Variants in SNX29 observed in about 807,000 individuals in gnomAD.
SNX29 encodes sorting nexin-29.
A neutral mutation model predicts 102.1 loss-of-function variants in SNX29; 78 were observed. The ratio of observed to expected loss-of-function variants is 0.76; its 90% confidence interval spans 0.64 to 0.92. The LOEUF (loss-of-function observed/expected upper bound fraction) is 0.92, where lower values mean the gene tolerates loss of function less well. Ranked by LOEUF, SNX29 falls within the 40% of genes least tolerant of loss-of-function variation. The probability of loss-of-function intolerance (pLI) is 0.00; values close to 1 mark genes in which losing one functional copy is unlikely to be tolerated. For missense variants in SNX29, 1,280 were observed against 1,061.7 expected, an observed-to-expected ratio of 1.21 and a Z score of -2.86; for synonymous variants, 580 against 414.5, an observed-to-expected ratio of 1.40 and a Z score of -4.85.
intron 9 of SNX29, among the ~76,000 whole-genome samples, chr16:12,066,385 G>A (rs974222555): frequency 6.6e-6 from 1 of 152,308 alleles, no homozygotes; most frequent in Non-Finnish European, 1.5e-5. Flanking sequence ...GGGATGGAGG[G>A]TGGGTGCCGT....
In SNX29 at chr16:12,563,981, C is replaced by T. The variant is rs973783258; in HGVS notation, c.2319-4525C>T. On this transcript the variant is annotated intron_variant, in intron 20 of 20. Coordinates refer to ENST00000566228, the MANE Select transcript of SNX29 (RefSeq NM_032167.5). ...GAGGAAGGGCTTTTCAGATAAGGTT[C>T]CCTCTGCCCCTGCAGCACCCTCTTC... 7.8e-5 allele frequency among the ~76,000 whole-genome samples: 11 copies of T among 141,326 alleles called. No homozygotes were observed. The South Asian group carries it at 2.4e-3, about 31-fold the overall frequency. The allele number at this position is 141,326 out of a possible 152,430, so 92.7% of individuals were successfully genotyped here. A position where few individuals can be genotyped will look rare whatever the true frequency, so the allele number is the denominator to read the frequency against.
chr16:12,015,621 C>T (rs1416001565), intron 3 of SNX29, among the ~76,000 whole-genome samples: 16 of 151,518 alleles, frequency 1.1e-4, no homozygotes, highest in East Asian at 9.7e-4. Flanking sequence ...GTGCAAGCTC[C>T]GCCTCCCGGG....
chr16:12,115,485 TTGTGTGTGTGTGTGTG>T lies in SNX29; in HGVS notation c.1403-11125_1403-11110del, dbSNP rs3222983. The stretch of plus-strand genomic sequence containing the variant: ...TGCCCCTGGGTTGCTCCACCTTGAT[TTGTGTGTGTGTGTGTG>T]TGTGTGTGTGTGTGTGTGTGTGGTG... On this transcript the variant is annotated intron_variant, in intron 11 of 20. Transcript: ENST00000566228. 2.9e-4 allele frequency among the ~76,000 whole-genome samples: 41 copies of T among 141,966 alleles called. 1 individual carries two copies. In the South Asian group the frequency reaches 6.8e-3, roughly 24 times the overall value. 93.1% of individuals were successfully genotyped at this position (141,966 alleles called of 152,430 possible). A position where few individuals can be genotyped will look rare whatever the true frequency, so the allele number is the denominator to read the frequency against.
intron 4 of SNX29, among the ~76,000 whole-genome samples, chr16:12,041,891 T>G (rs1256498683): frequency 6.6e-6 from 1 of 152,208 alleles, no homozygotes; most frequent in African/African-American, 2.4e-5. Context: ...CAGCAAATGT[T>G]GATTTTTTTA....
intron 18 of SNX29, among the ~76,000 whole-genome samples, chr16:12,417,472 G>A (rs1166183422): frequency 6.6e-6 from 1 of 152,162 alleles, no homozygotes; most frequent in Non-Finnish European, 1.5e-5. Context: ...GGGTCAGAGG[G>A]GGTGGGTGGT....
intron 20 of SNX29, among the ~76,000 whole-genome samples, chr16:12,548,023 G>GCT (rs2077718555): frequency 6.6e-6 from 1 of 152,118 alleles, no homozygotes; most frequent in South Asian, 2.1e-4. Context: ...CTTTTGCACT[G>GCT]CTCATATTGG....
intron 18 of SNX29, among the ~76,000 whole-genome samples, chr16:12,447,707 T>C (rs1319325738): frequency 6.6e-6 from 1 of 152,208 alleles, no homozygotes; most frequent in African/African-American, 2.4e-5. Context: ...GGTTAACAGA[T>C]AAGATTGCCA....
At chr16:12,162,318 A>G (rs1424437130) in intron 13 of SNX29, among the ~76,000 whole-genome samples, 1 of 151,938 alleles carries the variant, frequency 6.6e-6, no homozygotes, top group Non-Finnish European at 1.5e-5. Context: ...TATCACTTTG[A>G]CCCTCTGAAA....
intron 16 of SNX29, among the ~76,000 whole-genome samples, chr16:12,369,992 T>G (rs1444885681): frequency 6.6e-6 from 1 of 151,962 alleles, no homozygotes; most frequent in African/African-American, 2.4e-5. Context: ...TGAGGTGGGC[T>G]GATCACCTGA....
intron 18 of SNX29, among the ~76,000 whole-genome samples, chr16:12,436,208 T>C (rs531888909): frequency 8.6e-5 from 13 of 151,768 alleles, no homozygotes; most frequent in African/African-American, 2.7e-4. Context: ...CCCGGAACAG[T>C]ATTGGCACAG....
rs1433974271 is a variant in SNX29, at chr16:12,061,531, A to C, written c.1128A>C (p.Pro376=). 2 of 1,598,164 alleles carry C rather than the reference A, an allele frequency of 1.3e-6. No homozygotes were observed. The highest frequency in any genetic ancestry group is 8.5e-7 in the Non-Finnish European group (1 of 1,173,512). Residue 376 remains proline (P), a synonymous_variant, in exon 9 of 21, where the codon CCA becomes CCC. Coordinates refer to ENST00000566228, the MANE Select transcript of SNX29 (RefSeq NM_032167.5). The stretch of plus-strand genomic sequence containing the variant: ...CAGCTGTATTCTTTCACCTTAGGCC[A>C]CTGGAAGGGAACACCTGCCTCTCCC... ...HRGHSESPEK[P]LEGNTCLSQM...
intron 19 of SNX29, among the ~76,000 whole-genome samples, chr16:12,495,016 T>C (rs2088746709): frequency 6.6e-6 from 1 of 152,218 alleles, no homozygotes; most frequent in Admixed American, 6.5e-5. Flanking sequence ...TTAGCATCCC[T>C]GCCTCACCTC....
At chr16:12,546,167 A>C (rs1048618419) in intron 20 of SNX29, 1 of 152,192 alleles carries the variant, frequency 6.6e-6, no homozygotes, top group African/African-American at 2.4e-5. Context: ...TAACATAGGG[A>C]TGGGCACTGG....
At chr16:12,449,525 T>C (rs2086210909) in intron 18 of SNX29, among the ~76,000 whole-genome samples, 1 of 152,096 alleles carries the variant, frequency 6.6e-6, no homozygotes, top group African/African-American at 2.4e-5. Context: ...AAAAGGGAAT[T>C]TGTTACTCTC....
At chr16:12,274,533 C>T (rs2151000607) in intron 14 of SNX29, among the ~76,000 whole-genome samples, 1 of 151,558 alleles carries the variant, frequency 6.6e-6, no homozygotes, top group South Asian at 2.1e-4. Flanking sequence ...CTCTATTCTC[C>T]CCACCTCTTT....
At chr16:12,563,543 A>C (rs1254865136) in intron 20 of SNX29, among the ~76,000 whole-genome samples, 4 of 152,176 alleles carry the variant, frequency 2.6e-5, no homozygotes, top group Admixed American at 1.3e-4. Flanking sequence ...GTCTCCCACC[A>C]CTACCTGAGG....
chr16:12,407,093 ATGG>A (rs1442805034), intron 18 of SNX29, among the ~76,000 whole-genome samples: 19 of 152,150 alleles, frequency 1.2e-4, no homozygotes, highest in Non-Finnish European at 1.0e-4. Context: ...GGATGGCAAG[ATGG>A]TGGTGTATGT....
At position 12,555,216 on chromosome 16, in the gene SNX29, C is replaced by T. The variant is rs1340402549; in HGVS notation, c.2319-13290C>T. ...ATGCAGACTGGACTATGGGCAGCTGCTGGGTACAGGGAGAAATGGAGGTGA... is the reference window on the plus strand; with the variant it reads ...ATGCAGACTGGACTATGGGCAGCTGTTGGGTACAGGGAGAAATGGAGGTGA... On this transcript the variant is annotated intron_variant, in intron 20 of 20. Transcript: ENST00000566228. 2.0e-5 allele frequency among the ~76,000 whole-genome samples: 3 copies of T among 151,858 alleles called. No individual in the cohort carries two copies. In the South Asian group the frequency reaches 6.3e-4, roughly 32 times the overall value.
intron 1 of SNX29, among the ~76,000 whole-genome samples, chr16:11,984,814 C>A (rs1270729512): frequency 6.6e-6 from 1 of 152,192 alleles, no homozygotes; most frequent in Non-Finnish European, 1.5e-5. Context: ...GCCACCACAC[C>A]CGTCTAACTT....
Sources: allele counts gnomAD v4.1 joint callset (sites outside exome capture counted in the v4.1 genomes callset), GRCh38; gene constraint gnomAD v4.1.1; transcripts MANE v1.5; gene names NCBI Gene and HGNC (gene_info 2026-07-23, HGNC 2026-07-21).